AKT1: variants seen among roughly 807,000 people sequenced by gnomAD.
AKT1 encodes RAC-alpha serine/threonine-protein kinase.
AKT1 carries 21 observed loss-of-function variants against 63.1 expected under a neutral mutation model. The ratio of observed to expected loss-of-function variants is 0.33; its 90% CI spans 0.24 to 0.48. The LOEUF (loss-of-function observed/expected upper bound fraction) is 0.48. Among genes scored for constraint, AKT1 ranks in the 20% least tolerant of loss-of-function variants. The pLI, the probability that AKT1 is intolerant of heterozygous loss-of-function variation, is 0.99. For synonymous variants in AKT1, 257 were observed against 253.1 expected (o/e 1.02, Z -0.15); for missense variants, 382 against 666.0 (o/e 0.57, Z 4.69).
intron 3 of AKT1, 87 bp from the exon 4 acceptor site, chr14:104,780,303 A>G (rs2140951242): frequency 6.5e-7 from 1 of 1,540,346 alleles, no homozygotes; most frequent in African/African-American, 1.4e-5. Context: ...GTGTGCCAGG[A>G]CAGATGTGCC....
intron 3 of AKT1, among the ~76,000 whole-genome samples, chr14:104,790,548 C>T (rs61758469): frequency 0.036 from 5,539 of 152,292 alleles, 222 homozygotes; most frequent in African/African-American, 0.092. Context: ...ATGCGGCAGG[C>T]CCCGGAGGAC....
chr14:104,779,971 G>A (rs372320667), intron 4 of AKT1, 117 bp downstream of exon 4: 1 of 1,438,564 alleles, frequency 7.0e-7, no homozygotes, highest in African/African-American at 1.4e-5. Context: ...AGTGCTTGTT[G>A]CTTGCCAGCC....
rs191097127 is a variant in AKT1, at chr14:104,774,814, C to T, written c.633+124G>A. ...CTCCAGGGCAGGCCTGTCTCACCAG[C>T]GGCGGAGTCCACGGTGTGTAAAGCC... is the stretch of plus-strand genomic sequence containing the variant. On this transcript the variant is annotated intron_variant, in intron 8 of 14. Coordinates refer to ENST00000649815, the MANE Select transcript of AKT1 (RefSeq NM_001382430.1). 1.0e-3 allele frequency: 1,091 copies of T among 1,074,140 alleles called. 6 individuals carry two copies. The African/African-American group carries it at 0.014, about 14-fold the overall frequency. 66.5% of individuals were successfully genotyped at this position (1,074,140 alleles called of 1,614,324 possible). A position where few individuals can be genotyped will look rare whatever the true frequency, so the allele number is the denominator to read the frequency against.
At chr14:104,788,972 C>T (rs536191074) in intron 3 of AKT1, among the ~76,000 whole-genome samples, 6 of 152,314 alleles carry the variant, frequency 3.9e-5, no homozygotes, top group South Asian at 2.1e-4. Flanking sequence ...CACCCAGATC[C>T]GTGGCTTGGA....
chr14:104,788,694 C>T lies in AKT1; in HGVS notation c.46+3904G>A, dbSNP rs112286370. Among the ~76,000 whole-genome samples the T allele has an allele frequency of 6.4e-3, 973 of 152,290 alleles. 4 individuals are homozygous for T. The highest frequency in any genetic ancestry group is 0.037 in the Middle Eastern group (11 of 294). ...TGCCCCCCCGCAGGGACAGCCAGTGCCAGGACTTCAAGGCGGGGAGAGGGG... is the reference window on the plus strand; with the variant it reads ...TGCCCCCCCGCAGGGACAGCCAGTGTCAGGACTTCAAGGCGGGGAGAGGGG... On this transcript the variant is annotated intron_variant, in intron 3 of 14. Coordinates refer to ENST00000649815, the MANE Select transcript of AKT1 (RefSeq NM_001382430.1).
rs1893026468 is a variant in AKT1, at chr14:104,781,313, C to A, written c.47-1097G>T. 2.0e-5 allele frequency among the ~76,000 whole-genome samples: 3 copies of A among 152,116 alleles called. No homozygotes were observed. The South Asian group carries it at 6.2e-4, about 31-fold the overall frequency. Reference sequence around the variant, plus strand: ...GCCTGGGTTTTCATGCCACACTGAGCCCCAGACAGGGACACCTGGAGGGAT... The same window carrying A: ...GCCTGGGTTTTCATGCCACACTGAGACCCAGACAGGGACACCTGGAGGGAT... On this transcript the variant is annotated intron_variant, in intron 3 of 14. Transcript: ENST00000649815.
chr14:104,772,127 C>T (rs1892421866), intron 13 of AKT1: 1 of 591,448 alleles, frequency 1.7e-6, no homozygotes. Context: ...TGACACACCT[C>T]CGAGGGGAGG....
At chr14:104,788,445 A>G (rs1893447197) in intron 3 of AKT1, among the ~76,000 whole-genome samples, 1 of 152,186 alleles carries the variant, frequency 6.6e-6, no homozygotes, top group Non-Finnish European at 1.5e-5. Context: ...GAGTGGGCTC[A>G]GAGTCCCCCA....
chr14:104,780,355 T>A lies in AKT1; in HGVS notation c.47-139A>T, dbSNP rs12588965. The A allele has an allele frequency of 0.05, 60,216 of 1,211,420 alleles. 1,968 individuals carry two copies. The highest frequency in any genetic ancestry group is 0.11 in the South Asian group (6,986 of 62,994). The allele number at this position is 1,211,420 out of a possible 1,614,324, so 75.0% of individuals were successfully genotyped here. On this transcript the variant is annotated intron_variant, in intron 3 of 14. Coordinates refer to ENST00000649815, the MANE Select transcript of AKT1 (RefSeq NM_001382430.1). ...CAGGGGGCAGGCGCGGTACGGGAGC[T>A]GTTTCTTAGGGCCAGCGACAGAAAC... is the stretch of plus-strand genomic sequence containing the variant.
intron 3 of AKT1, among the ~76,000 whole-genome samples, chr14:104,790,024 G>A (rs554659847): frequency 1.2e-3 from 176 of 152,334 alleles, no homozygotes; most frequent in African/African-American, 4.1e-3. Context: ...AGCAGGAGAA[G>A]GAGCCTGCAG....
At chr14:104,781,331 G>A (rs1368572463) in intron 3 of AKT1, among the ~76,000 whole-genome samples, 1 of 152,110 alleles carries the variant, frequency 6.6e-6, no homozygotes. Context: ...AGGGACACCT[G>A]GAGGGATGTG....
chr14:104,772,390 A>C lies in AKT1; in HGVS notation c.1235T>G (p.Val412Gly), dbSNP rs937869519. 2.5e-6 allele frequency: 4 copies of C among 1,613,882 alleles called. No homozygotes were observed. The highest frequency in any genetic ancestry group is 3.4e-6 in the Non-Finnish European group (4 of 1,180,040). Residue 412 changes from valine to glycine, a missense_variant, in exon 13 of 15, where the codon GTG becomes GGG. Around this residue, in one of 3 missense-constraint regions of AKT1, gnomAD observed 90 missense variants for 120.5 expected, o/e 0.75. Transcript: ENST00000649815. ...IMQHRFFAGIVWQHVYEKKLS... is the reference protein window; with the variant it reads ...IMQHRFFAGIGWQHVYEKKLS... Reference sequence around the variant, plus strand: ...CTTCTTCTCGTACACGTGCTGCCACACGATACCGGCAAAGAAGCGATGCTG... The same window carrying C: ...CTTCTTCTCGTACACGTGCTGCCACCCGATACCGGCAAAGAAGCGATGCTG...
intron 3 of AKT1, among the ~76,000 whole-genome samples, chr14:104,782,133 G>T (rs2498791): frequency 0.53 from 79,494 of 151,398 alleles, 23,632 homozygotes; most frequent in African/African-American, 0.8. Flanking sequence ...AGGCAGGGGC[G>T]CTCAGTGAGA....
At chr14:104,789,859 C>G (rs1049640609) in intron 3 of AKT1, among the ~76,000 whole-genome samples, 1 of 152,316 alleles carries the variant, frequency 6.6e-6, no homozygotes, top group East Asian at 1.9e-4. Flanking sequence ...TCGCCTGGGT[C>G]CAGCCACAGG....
At chr14:104,774,118 C>T (rs1892567210) in intron 8 of AKT1, 138 bp from the exon 9 acceptor site, 2 of 769,224 alleles carry the variant, frequency 2.6e-6, no homozygotes, top group Non-Finnish European at 4.4e-6. Flanking sequence ...CTGCCCGACA[C>T]CACGCTGCCT....
chr14:104,774,209 ACTGCCCCCATGCCACG>A, intron 8 of AKT1: 1 of 456,262 alleles, frequency 2.2e-6, no homozygotes, highest in Admixed American at 3.3e-5. Context: ...CCCACATCAC[ACTGCCCCCATGCCACG>A]CTGCCCCACA....
intron 3 of AKT1, among the ~76,000 whole-genome samples, chr14:104,781,135 C>T (rs1893014424): frequency 6.6e-6 from 1 of 152,210 alleles, no homozygotes; most frequent in Admixed American, 6.5e-5. Context: ...TTCATACTGA[C>T]ACTCGGAAAA....
chr14:104,780,625 C>T (rs975824284), intron 3 of AKT1, among the ~76,000 whole-genome samples: 20 of 152,184 alleles, frequency 1.3e-4, no homozygotes, highest in South Asian at 6.2e-4. Flanking sequence ...ACAGGGGCTG[C>T]GGGGCTGACA....
chr14:104,770,932 A>T, intron 13 of AKT1, 85 bp from the exon 14 acceptor site: 1 of 1,241,952 alleles, frequency 8.1e-7, no homozygotes, highest in South Asian at 1.3e-5. Context: ...CCTTCAAAGC[A>T]CCTGGATCTC....
Sources: gnomAD v4.1 joint callset for allele counts (sites outside exome capture counted in the v4.1 genomes callset) on GRCh38, gnomAD v4.1.1 for gene constraint, gnomAD v4.1.1 regional missense constraint, MANE v1.5 for transcripts, NCBI Gene and HGNC (gene_info 2026-07-23, HGNC 2026-07-21) for gene names.